LRFN2: variants seen among roughly 807,000 people sequenced by gnomAD.
LRFN2 encodes the protein leucine-rich repeat and fibronectin type-III domain-containing protein 2.
LRFN2 carries 18 observed loss-of-function variants against 37.3 expected under a neutral mutation model. The ratio of observed to expected loss-of-function variants is 0.48; its 90% CI spans 0.33 to 0.72. The LOEUF (loss-of-function observed/expected upper bound fraction) is 0.72, where lower values mean the gene tolerates loss of function less well. Ranked by LOEUF, LRFN2 falls within the 30% of genes least tolerant of loss-of-function variation. The pLI is 0.02. For missense variants in LRFN2, 1,006 were observed against 1,060.7 expected, an observed-to-expected ratio of 0.95 and a Z score of 0.72; for synonymous variants, 556 against 466.6, an observed-to-expected ratio of 1.19 and a Z score of -2.47.
At chr6:40,433,684 A>C (rs1249425549) in intron 1 of LRFN2, among the ~76,000 whole-genome samples, 4 of 152,192 alleles carry the variant, frequency 2.6e-5, no homozygotes, top group African/African-American at 9.7e-5. Flanking sequence ...ATTCCTTAAG[A>C]ATGAGGTTGT....
At chr6:40,540,682 C>T (rs368576783) in intron 1 of LRFN2, among the ~76,000 whole-genome samples, 42 of 152,320 alleles carry the variant, frequency 2.8e-4, no homozygotes, top group African/African-American at 9.1e-4. Context: ...AGGAGAAACA[C>T]GGGGCCTTCT....
At chr6:40,461,214 C>T (rs1764340915) in intron 1 of LRFN2, among the ~76,000 whole-genome samples, 1 of 151,974 alleles carries the variant, frequency 6.6e-6, no homozygotes, top group East Asian at 1.9e-4. Flanking sequence ...CAAGACCAAC[C>T]TGGTCAACAT....
intron 2 of LRFN2, among the ~76,000 whole-genome samples, chr6:40,417,745 A>C (rs117653020): frequency 6.6e-6 from 1 of 152,030 alleles, no homozygotes; most frequent in Admixed American, 6.6e-5. Flanking sequence ...TCATGACAAC[A>C]TGCTGCTTTG....
chr6:40,531,172 T>C (rs907257850), intron 1 of LRFN2, among the ~76,000 whole-genome samples: 1 of 152,200 alleles, frequency 6.6e-6, no homozygotes, highest in African/African-American at 2.4e-5. Context: ...ATACCACAGA[T>C]AGGCCATCTG....
intron 2 of LRFN2, among the ~76,000 whole-genome samples, chr6:40,414,844 G>A (rs2113808363): frequency 6.6e-6 from 1 of 152,324 alleles, no homozygotes; most frequent in Admixed American, 6.5e-5. Flanking sequence ...TTTGGGAACA[G>A]CCTAGAGAGG....
intron 1 of LRFN2, among the ~76,000 whole-genome samples, chr6:40,510,679 T>G (rs1765681712): frequency 6.6e-6 from 1 of 152,198 alleles, no homozygotes; most frequent in South Asian, 2.1e-4. Context: ...ATGACCAGAA[T>G]GCCAGGCTGG....
chr6:40,533,670 T>C (rs1766393951), intron 1 of LRFN2, among the ~76,000 whole-genome samples: 1 of 152,092 alleles, frequency 6.6e-6, no homozygotes, highest in Non-Finnish European at 1.5e-5. Context: ...AAGGCAGAAG[T>C]AGCCCTTAGA....
chr6:40,482,131 T>A (rs1354291666), intron 1 of LRFN2, among the ~76,000 whole-genome samples: 3 of 152,110 alleles, frequency 2.0e-5, no homozygotes, highest in African/African-American at 7.2e-5. Flanking sequence ...TGTGTTATTG[T>A]CAGTTGCCAT....
At chr6:40,563,633 T>G (rs1242375758) in intron 1 of LRFN2, among the ~76,000 whole-genome samples, 1 of 152,078 alleles carries the variant, frequency 6.6e-6, no homozygotes, top group Non-Finnish European at 1.5e-5. Flanking sequence ...GCCTTCCCCC[T>G]CAACACTGAG....
intron 1 of LRFN2, among the ~76,000 whole-genome samples, chr6:40,568,277 G>A (rs996186017): frequency 2.0e-5 from 3 of 152,234 alleles, no homozygotes; most frequent in Admixed American, 2.0e-4. Context: ...GGACTGTGGT[G>A]TCTGCCCTGT....
In LRFN2 at chr6:40,548,038, C is replaced by T. The variant is rs75322039; in HGVS notation, c.-19+38903G>A. 5.3e-3 allele frequency among the ~76,000 whole-genome samples: 804 copies of T among 152,268 alleles called. 9 individuals carry two copies. The highest frequency in any genetic ancestry group is 0.018 in the African/African-American group (765 of 41,554). On this transcript the variant is annotated intron_variant, in intron 1 of 2. Coordinates refer to ENST00000338305, the MANE Select transcript of LRFN2 (RefSeq NM_020737.3). The stretch of plus-strand genomic sequence containing the variant: ...CCAGAAGGCATCATCTTTATTAAAG[C>T]CTGGCAGACTTTGGGTCAAATCTTG...
intron 1 of LRFN2, among the ~76,000 whole-genome samples, chr6:40,440,184 T>A (rs1763799037): frequency 6.6e-6 from 1 of 151,954 alleles, no homozygotes; most frequent in South Asian, 2.1e-4. Flanking sequence ...AATGAGCCCA[T>A]TAGGCTCTTT....
chr6:40,490,083 G>T (rs1172850936), intron 1 of LRFN2, among the ~76,000 whole-genome samples: 1 of 152,158 alleles, frequency 6.6e-6, no homozygotes, highest in Non-Finnish European at 1.5e-5. Context: ...GGGAAGAAGG[G>T]CCCAGCACCT....
At chr6:40,430,201 G>T (rs1366183002) in intron 2 of LRFN2, among the ~76,000 whole-genome samples, 2 of 152,174 alleles carry the variant, frequency 1.3e-5, no homozygotes. Flanking sequence ...CTGCTATCCA[G>T]ACCAGGCCAG....
chr6:40,529,924 G>A (rs764579485), intron 1 of LRFN2, among the ~76,000 whole-genome samples: 35 of 152,140 alleles, frequency 2.3e-4, no homozygotes, highest in Non-Finnish European at 4.7e-4. Context: ...GTTTTTAAAC[G>A]TCCTCATTTC....
intron 1 of LRFN2, among the ~76,000 whole-genome samples, chr6:40,556,752 C>G (rs559955738): frequency 4.6e-3 from 509 of 110,684 alleles, no homozygotes; most frequent in Non-Finnish European, 7.3e-3. Context: ...CACACACACA[C>G]GCACACACTC....
chr6:40,524,396 C>T (rs1273036548), intron 1 of LRFN2, among the ~76,000 whole-genome samples: 1 of 138,178 alleles, frequency 7.2e-6, no homozygotes, highest in Non-Finnish European at 1.6e-5. Context: ...ACCCCCGACC[C>T]GCCACACCTC....
At chr6:40,435,188 T>C (rs1354434151) in intron 1 of LRFN2, among the ~76,000 whole-genome samples, 1 of 147,918 alleles carries the variant, frequency 6.8e-6, no homozygotes, top group Non-Finnish European at 1.5e-5. Flanking sequence ...AGAGACAGAT[T>C]CTTGCTCTGT....
chr6:40,451,138 TG>T (rs1561861235), intron 1 of LRFN2, among the ~76,000 whole-genome samples: 1 of 152,172 alleles, frequency 6.6e-6, no homozygotes, highest in Admixed American at 6.5e-5. Flanking sequence ...CCTTAATCCA[TG>T]GGGGGATTTC....
Sources: allele counts gnomAD v4.1 joint callset (sites outside exome capture counted in the v4.1 genomes callset), GRCh38; gene constraint gnomAD v4.1.1; transcripts MANE v1.5; gene names NCBI Gene and HGNC (gene_info 2026-07-23, HGNC 2026-07-21).